The following RPS6 variants were observed in gnomAD, a reference collection of about 807,000 sequenced individuals.
RPS6 encodes small ribosomal subunit protein eS6.
RPS6 carries 1 observed loss-of-function variant against 27.1 expected under a neutral mutation model. The ratio of observed to expected loss-of-function variants is 0.04; its 90% CI spans 0.01 to 0.18. RPS6 has a LOEUF of 0.18. RPS6 is among the 10% of genes least tolerant of loss of function. The pLI, the probability that RPS6 is intolerant of heterozygous loss-of-function variation, is 1.00. For missense variants in RPS6, 259 were observed against 319.1 expected (o/e 0.81, Z 1.44); for synonymous variants, 152 against 106.0 (o/e 1.43, Z -2.66).
rs762812062 is a variant in RPS6 at position 19,379,627 on chromosome 9, TA to T, written c.7-10del. On this transcript the variant is annotated splice_polypyrimidine_tract_variant and intron_variant, in intron 1 of 5. Transcript: ENST00000380394. ...GGGAAGGAGATGTTCAGCTAAGGAT[TA>T]AAAGGGGGGAAATAGTTTACGAAAC... is the stretch of plus-strand genomic sequence containing the variant. The T allele has an allele frequency of 6.2e-6, 10 of 1,610,526 alleles. No individual in the cohort carries two copies. In the East Asian group the frequency reaches 1.8e-4, roughly 29 times the overall value.
At chr9:19,377,361 T>G (rs1829605477) in intron 4 of RPS6, among the ~76,000 whole-genome samples, 1 of 151,590 alleles carries the variant, frequency 6.6e-6, no homozygotes, top group Non-Finnish European at 1.5e-5. Flanking sequence ...AGGGCTATGA[T>G]TATGGGCAAC....
Position 19,380,205 on chromosome 9 carries a change from G to C in RPS6, c.-10C>G, listed in dbSNP as rs765628443. 8 of 1,613,294 alleles carry C rather than the reference G, an allele frequency of 5.0e-6. No individual in the cohort carries two copies. The South Asian group carries it at 7.7e-5, about 15-fold the overall frequency. ...CATCACCTACCTTCATCTTGAAGCA[G>C]CTGAACGCCTCCGAGGCGCCACGGA... On this transcript the variant is annotated 5_prime_UTR_variant, in exon 1 of 6. Coordinates refer to ENST00000380394, the MANE Select transcript of RPS6 (RefSeq NM_001010.3).
At chr9:19,377,300 T>C (rs1021503337) in intron 4 of RPS6, among the ~76,000 whole-genome samples, 6 of 152,010 alleles carry the variant, frequency 3.9e-5, no homozygotes, top group East Asian at 1.9e-4. Flanking sequence ...ATAAGAACCA[T>C]CTAAAAATAC....
Position 19,378,467 on chromosome 9 carries a change from G to C in RPS6, c.397C>G (p.Leu133Val). The part of the protein sequence containing the change: ...GLTDTTVPRR[L>V]GPKRASRIRK... ...ATTCTGCTAGCTCTTTTGGGGCCCA[G>C]GCGGCGAGGCACTGTAGTATCAGTC... Residue 133 changes from leucine (L) to valine (V), a missense_variant, in exon 4 of 6, where the codon CTG (leucine) becomes GTG (valine). Around this residue, in one of 3 missense-constraint regions of RPS6, gnomAD observed 191 missense variants for 231.6 expected, o/e 0.82. Coordinates refer to ENST00000380394, the MANE Select transcript of RPS6 (RefSeq NM_001010.3). 1 of 1,614,160 alleles carries C rather than the reference G, an allele frequency of 6.2e-7. No individual in the cohort carries two copies. The highest frequency in any genetic ancestry group is 8.5e-7 in the Non-Finnish European group (1 of 1,180,032).
rs1829596487 is a variant in RPS6 at position 19,376,832 on chromosome 9, T to C, written c.497-181A>G. 22 of 518,830 alleles carry C rather than the reference T, an allele frequency of 4.2e-5. No homozygotes were observed. In the South Asian group the frequency reaches 7.5e-4, roughly 18 times the overall value. 32.1% of individuals were successfully genotyped at this position (518,830 alleles called of 1,614,324 possible). A position where few individuals can be genotyped will look rare whatever the true frequency, so the allele number is the denominator to read the frequency against. On this transcript the variant is annotated intron_variant, in intron 4 of 5. Coordinates refer to ENST00000380394, the MANE Select transcript of RPS6 (RefSeq NM_001010.3). ...TGCCCCTCCACAGAAATCTAGAAGA[T>C]TGGTTAAATATTATAAAAATATAAG...
At chr9:19,379,954 G>C in intron 1 of RPS6, 1 of 1,436,774 alleles carries the variant, frequency 7.0e-7, no homozygotes, top group Non-Finnish European at 9.1e-7. Context: ...CATCCGTCCC[G>C]GCTGGGCGCG....
rs780700666 is a variant in RPS6 at position 19,378,927 on chromosome 9, G to C, written c.139-9C>G. 20 of 1,612,810 alleles carry C rather than the reference G, an allele frequency of 1.2e-5. No homozygotes were observed. Among genetic ancestry groups the C allele is most frequent in the Non-Finnish European group, 1.6e-5 (19 of 1,179,178 alleles). Reference sequence around the variant, plus strand: ...ATTCGGACCACATAACCCTGCAAGAGCATACAATGAATGACACATTTACTA... The same window carrying C: ...ATTCGGACCACATAACCCTGCAAGACCATACAATGAATGACACATTTACTA... On this transcript the variant is annotated splice_polypyrimidine_tract_variant and intron_variant, in intron 2 of 5. Transcript: ENST00000380394.
rs368995322 is a variant in RPS6, at chr9:19,379,465, G to A, written c.138+22C>T. ...TTTACCGTCTCTGACTTAAATACCT[G>A]CAACAATTTGTCAACTTTTACCTTC... On this transcript the variant is annotated intron_variant, in intron 2 of 5. Transcript: ENST00000380394. 5.6e-6 allele frequency: 9 copies of A among 1,613,834 alleles called. No individual in the cohort carries two copies. In the African/African-American group the frequency reaches 1.1e-4, roughly 19 times the overall value.
intron 1 of RPS6, 197 bp from the exon 2 acceptor site, chr9:19,379,815 G>C: frequency 1.4e-6 from 2 of 1,429,340 alleles, no homozygotes; most frequent in African/African-American, 2.9e-5. Flanking sequence ...TCAGCAGGAC[G>C]TTTTCCCCTC....
Position 19,380,226 on chromosome 9 carries a change from A to C in RPS6, c.-31T>G. On this transcript the variant is annotated 5_prime_UTR_variant, in exon 1 of 6. Coordinates refer to ENST00000380394, the MANE Select transcript of RPS6 (RefSeq NM_001010.3). ...AGCAGCTGAACGCCTCCGAGGCGCC[A>C]CGGAAAAGAGGGCCAACTTCCGCTT... The C allele has an allele frequency of 6.2e-7, 1 of 1,612,766 alleles. No homozygotes were observed. Among genetic ancestry groups the C allele is most frequent in the Non-Finnish European group, 8.5e-7 (1 of 1,178,820 alleles).
Position 19,376,830 on chromosome 9 carries a change from G to A in RPS6, c.497-179C>T, listed in dbSNP as rs1829596445. ...TTTGCCCCTCCACAGAAATCTAGAA[G>A]ATTGGTTAAATATTATAAAAATATA... is the stretch of plus-strand genomic sequence containing the variant. On this transcript the variant is annotated intron_variant, in intron 4 of 5. Transcript: ENST00000380394. 6 of 518,436 alleles carry A rather than the reference G, an allele frequency of 1.2e-5. No individual in the cohort carries two copies. The East Asian group carries it at 1.9e-4, about 17-fold the overall frequency. 32.1% of individuals were successfully genotyped at this position (518,436 alleles called of 1,614,324 possible).
intron 4 of RPS6, 48 bp from the exon 5 acceptor site, chr9:19,376,699 TCCACATCTACTTTA>T (rs1436916423): frequency 6.4e-7 from 1 of 1,557,532 alleles, no homozygotes; most frequent in East Asian, 2.2e-5. Context: ...TTTGTTAGAA[TCCACATCTACTTTA>T]AAAACATCAG....
intron 1 of RPS6, chr9:19,379,893 C>A: frequency 7.0e-7 from 1 of 1,423,324 alleles, no homozygotes; most frequent in Non-Finnish European, 9.1e-7. Flanking sequence ...AGCAAGAAAG[C>A]CGGGGTCAAG....
rs768590513 is a variant in RPS6 at position 19,376,480 on chromosome 9, C to A, written c.654+14G>T. The A allele has an allele frequency of 3.3e-5, 54 of 1,612,860 alleles. No individual in the cohort carries two copies. Among genetic ancestry groups the A allele is most frequent in the Non-Finnish European group, 4.5e-5 (53 of 1,179,446 alleles). ...TCGAACTCCTCCCACCCCCTCAAATCATCTTAGACTAACCTTCATTCTCTT... is the reference window on the plus strand; with the variant it reads ...TCGAACTCCTCCCACCCCCTCAAATAATCTTAGACTAACCTTCATTCTCTT... On this transcript the variant is annotated intron_variant, in intron 5 of 5. Transcript: ENST00000380394.
At chr9:19,379,682 T>C in intron 1 of RPS6, 64 bp from the exon 2 acceptor site, 4 of 1,539,898 alleles carry the variant, frequency 2.6e-6, no homozygotes, top group East Asian at 2.3e-5. Flanking sequence ...TAGAGCCATC[T>C]ACAAAGTTAA....
chr9:19,376,616 G>A lies in RPS6; in HGVS notation c.532C>T (p.Arg178Cys). The change falls in exon 5 of 6, where the codon CGT (arginine) becomes TGT (cysteine). Residue 178 changes from arginine to cysteine, a missense_variant. Coordinates refer to ENST00000380394, the MANE Select transcript of RPS6 (RefSeq NM_001010.3). ...TGCAGGACACGTGGAGTAACAAGAC[G>A]CTGAATCTTGGGTGCTTTGGTCCTA... ...KPRTKAPKIQ[R>C]LVTPRVLQHK... 6.2e-7 allele frequency: 1 copy of A among 1,614,056 alleles called. No homozygotes were observed. Among genetic ancestry groups the A allele is most frequent in the Non-Finnish European group, 8.5e-7 (1 of 1,180,022 alleles).
Position 19,376,359 on chromosome 9 carries a change from A to C in RPS6, c.684T>G (p.Ile228Met). 1 of 1,614,178 alleles carries C rather than the reference A, an allele frequency of 6.2e-7. No homozygotes were observed. The highest frequency in any genetic ancestry group is 8.5e-7 in the Non-Finnish European group (1 of 1,180,022). Residue 228 changes from isoleucine to methionine, a missense_variant, in exon 6 of 6, where the codon ATT becomes ATG. Ile to Met is a conservative substitution (Grantham distance 10). Around this residue, in one of 3 missense-constraint regions of RPS6, gnomAD observed 191 missense variants for 231.6 expected, o/e 0.82. Transcript: ENST00000380394. Reference sequence around the variant, plus strand: ...GAGAGGAAAGTCTGCGTCTCTTCGCAATTTGTTCCTGGCGCTTCTCCTTAG... The same window carrying C: ...GAGAGGAAAGTCTGCGTCTCTTCGCCATTTGTTCCTGGCGCTTCTCCTTAG... ...KEAKEKRQEQ[I>M]AKRRRLSSLR...
chr9:19,379,045 G>T, intron 2 of RPS6, 127 bp from the exon 3 acceptor site: 1 of 977,686 alleles, frequency 1.0e-6, no homozygotes, highest in Non-Finnish European at 1.5e-6. Context: ...TTGAACTTAA[G>T]CACGTTTTCT....
intron 5 of RPS6, 41 bp from the exon 6 acceptor site, chr9:19,376,429 G>A (rs761789675): frequency 6.2e-7 from 1 of 1,612,780 alleles, no homozygotes; most frequent in South Asian, 1.1e-5. Flanking sequence ...GCCTTTCTGG[G>A]TTAAAGACGC....
Sources: allele counts gnomAD v4.1 joint callset (sites outside exome capture counted in the v4.1 genomes callset), GRCh38; gene constraint gnomAD v4.1.1; regional missense constraint gnomAD v4.1.1; transcripts MANE v1.5; gene names NCBI Gene and HGNC (gene_info 2026-07-23, HGNC 2026-07-21).